NIT2: variants seen among roughly 807,000 people sequenced by gnomAD.
NIT2 encodes the protein omega-amidase NIT2.
In NIT2, 46 loss-of-function variants were observed where a neutral mutation model predicts 42.7. The observed-to-expected ratio is 1.08, with a 90% CI of 0.85 to 1.38. The LOEUF (loss-of-function observed/expected upper bound fraction) is 1.38. NIT2 is among the 40% of genes most tolerant of loss of function. The pLI is 0.00. For missense variants in NIT2, 309 were observed against 342.5 expected (o/e 0.90, Z 0.77); for synonymous variants, 123 against 121.9 (o/e 1.01, Z -0.06).
At chr3:100,343,222 A>G (rs931646808) in intron 4 of NIT2, among the ~76,000 whole-genome samples, 1 of 151,736 alleles carries the variant, frequency 6.6e-6, no homozygotes, top group African/African-American at 2.4e-5. Flanking sequence ...CTTCCTTGGT[A>G]CTTCTTGAAA....
chr3:100,334,933 C>A, intron 1 of NIT2, 135 bp downstream of exon 1: 1 of 864,452 alleles, frequency 1.2e-6, no homozygotes, highest in Non-Finnish European at 1.5e-6. Context: ...CTGAGGCGGG[C>A]GTCCGCGTGG....
chr3:100,338,991 C>G, intron 1 of NIT2, 96 bp from the exon 2 acceptor site: 3 of 842,628 alleles, frequency 3.6e-6, no homozygotes, highest in Non-Finnish European at 6.2e-6. Context: ...GATGTCCCCC[C>G]GGGGACATAA....
Position 100,357,941 on chromosome 3 carries a change from C to A in NIT2, c.*2673C>A, listed in dbSNP as rs934442204. ...AGAGGCGTGAGCCACCGCGCCCGGC[C>A]TAATTTTTGTATTTTTAGTAGAAAT... On this transcript the variant is annotated 3_prime_UTR_variant, in exon 10 of 10. Transcript: ENST00000394140. 1 of 152,140 alleles carries A rather than the reference C, an allele frequency of 6.6e-6. No individual in the cohort carries two copies. The highest frequency in any genetic ancestry group is 1.5e-5 in the Non-Finnish European group (1 of 68,074). 9.4% of individuals were successfully genotyped at this position (152,140 alleles called of 1,614,324 possible).
chr3:100,342,022 A>G (rs1466956375), intron 4 of NIT2, among the ~76,000 whole-genome samples: 1 of 152,152 alleles, frequency 6.6e-6, no homozygotes, highest in East Asian at 1.9e-4. Flanking sequence ...CAACCTGGGC[A>G]AGACAGAGCA....
chr3:100,338,029 C>T (rs1706097971), intron 1 of NIT2, among the ~76,000 whole-genome samples: 1 of 152,122 alleles, frequency 6.6e-6, no homozygotes, highest in Non-Finnish European at 1.5e-5. Flanking sequence ...CATGTTTGTG[C>T]CACTGCACTC....
chr3:100,353,240 G>A (rs2148884925), intron 8 of NIT2, among the ~76,000 whole-genome samples: 1 of 152,316 alleles, frequency 6.6e-6, no homozygotes, highest in East Asian at 1.9e-4. Context: ...GAACTTGGAT[G>A]TATTCCACAC....
chr3:100,354,738 T>A, intron 8 of NIT2, 34 bp from the exon 9 acceptor site: 2 of 1,565,960 alleles, frequency 1.3e-6, no homozygotes, highest in Non-Finnish European at 1.7e-6. Context: ...CAAACATCAG[T>A]GAATCCACTC....
rs752119329 is a variant in NIT2 at position 100,346,214 on chromosome 3, A to G, written c.464A>G (p.Asp155Gly). The change falls in exon 6 of 10, where the codon GAC becomes GGC. Residue 155 changes from aspartate to glycine, a missense_variant. Coordinates refer to ENST00000394140, the MANE Select transcript of NIT2 (RefSeq NM_020202.5). ...YCRVGLGICY[D>G]MRFAELAQIY... ...AGAGTGGGTCTGGGCATCTGCTACG[A>G]CATGCGGTTTGCAGAGCTTGCACAA... 4.6e-5 allele frequency: 75 copies of G among 1,614,008 alleles called. No homozygotes were observed. Among genetic ancestry groups the G allele is most frequent in the Non-Finnish European group, 6.1e-5 (72 of 1,180,008 alleles).
In NIT2 at chr3:100,339,194, G is replaced by A. The variant is rs779641004; in HGVS notation, c.115G>A (p.Val39Ile). 2 of 1,610,010 alleles carry A rather than the reference G, an allele frequency of 1.2e-6. No homozygotes were observed. Among genetic ancestry groups the A allele is most frequent in the Non-Finnish European group, 1.7e-6 (2 of 1,176,322 alleles). Reference sequence around the variant, plus strand: ...GGCAGCAACGCAAGGAGCCAAAATAGTTTCTTTGCCGGTCAGTATGGGAGC... The same window carrying A: ...GGCAGCAACGCAAGGAGCCAAAATAATTTCTTTGCCGGTCAGTATGGGAGC... ...REAATQGAKI[V>I]SLPECFNSPY... The change falls in exon 2 of 10, where the codon GTT becomes ATT. Residue 39 changes from valine to isoleucine, a missense_variant. Val to Ile is a conservative substitution (Grantham distance 29, BLOSUM62 3). Transcript: ENST00000394140.
At chr3:100,337,273 G>A (rs566105515) in intron 1 of NIT2, among the ~76,000 whole-genome samples, 12 of 151,792 alleles carry the variant, frequency 7.9e-5, no homozygotes, top group South Asian at 2.1e-4. Flanking sequence ...TAATCTGATC[G>A]CTCTTTCTTT....
At chr3:100,344,960 T>C (rs60511069) in intron 4 of NIT2, among the ~76,000 whole-genome samples, 2,643 of 16,860 alleles carry the variant, frequency 0.16, 68 homozygotes, top group African/African-American at 0.46. Flanking sequence ...TTTTTTTTTC[T>C]TTTTTTTTTT....
At chr3:100,355,099 A>G (rs1706313097) in intron 9 of NIT2, 78 bp from the exon 10 acceptor site, 1 of 1,064,670 alleles carries the variant, frequency 9.4e-7, no homozygotes, top group African/African-American at 1.6e-5. Flanking sequence ...CTGGTGGTTT[A>G]TACAGTCAGG....
chr3:100,335,087 AT>A (rs768898423), intron 1 of NIT2: 1 of 468,994 alleles, frequency 2.1e-6, no homozygotes, highest in Non-Finnish European at 4.1e-6. Context: ...ATGGACGTGT[AT>A]TTCTCCACGG....
At chr3:100,354,952 G>T (rs1706311679) in intron 9 of NIT2, 125 bp downstream of exon 9, 1 of 853,132 alleles carries the variant, frequency 1.2e-6, no homozygotes, top group African/African-American at 1.7e-5. Flanking sequence ...TGATCTCTGG[G>T]GATATTCTAG....
In NIT2 at chr3:100,360,987, C is replaced by T. The variant is rs1706379097; in HGVS notation, c.*5719C>T. On this transcript the variant is annotated 3_prime_UTR_variant, in exon 10 of 10. Transcript: ENST00000394140. ...CACTGCATGTGCAGTATCCACCTAG[C>T]TTGCCCTGTGTCACTCCCATGGGAT... 6.6e-6 allele frequency: 1 copy of T among 152,426 alleles called. No individual in the cohort carries two copies. The highest frequency in any genetic ancestry group is 2.1e-4 in the South Asian group (1 of 4,840). The allele number at this position is 152,426 out of a possible 1,614,324, so 9.4% of individuals were successfully genotyped here.
chr3:100,340,329 G>A (rs1706134953), intron 3 of NIT2, among the ~76,000 whole-genome samples: 1 of 152,104 alleles, frequency 6.6e-6, no homozygotes, highest in Admixed American at 6.5e-5. Context: ...GCCTTCCAAA[G>A]TGCTAGGATT....
At chr3:100,338,414 T>C (rs906032304) in intron 1 of NIT2, among the ~76,000 whole-genome samples, 1 of 152,182 alleles carries the variant, frequency 6.6e-6, no homozygotes, top group African/African-American at 2.4e-5. Context: ...CTTTTAGAGG[T>C]GCCTGGGACC....
chr3:100,339,690 A>G lies in NIT2; in HGVS notation c.127-125A>G, dbSNP rs1706125661. On this transcript the variant is annotated intron_variant, in intron 2 of 9. Transcript: ENST00000394140. ...CCCTTGAGATGTCAGTGTTTTTCTTATTAGCTGTGTTTTAACCCTTCGACT... is the reference window on the plus strand; with the variant it reads ...CCCTTGAGATGTCAGTGTTTTTCTTGTTAGCTGTGTTTTAACCCTTCGACT... 7.9e-6 allele frequency: 7 copies of G among 883,312 alleles called. No homozygotes were observed. The South Asian group carries it at 1.1e-4, about 14-fold the overall frequency. The allele number at this position is 883,312 out of a possible 1,614,324, so 54.7% of individuals were successfully genotyped here. A position where few individuals can be genotyped will look rare whatever the true frequency, so the allele number is the denominator to read the frequency against.
rs751318008 is a variant in NIT2, at chr3:100,348,880, C to T, written c.583C>T (p.Arg195Trp). The change falls in exon 7 of 10, where the codon CGG becomes TGG. Residue 195 changes from arginine to tryptophan, a missense_variant and splice_region_variant. By Grantham distance (101) the Arg-to-Trp change is moderately radical (BLOSUM62 -3). Coordinates refer to ENST00000394140, the MANE Select transcript of NIT2 (RefSeq NM_020202.5). ...PAHWELLQRS[R>W]AVDNQVYVAT... ...CCATTGGGAGTTACTTCAGCGAAGC[C>T]GGTAAGAAAGGAACCATATATTCAA... 8.9e-5 allele frequency: 143 copies of T among 1,613,318 alleles called. No homozygotes were observed. Among genetic ancestry groups the T allele is most frequent in the Middle Eastern group, 3.3e-4 (2 of 6,066 alleles).
Sources: gnomAD v4.1 joint callset for allele counts (sites outside exome capture counted in the v4.1 genomes callset) on GRCh38, gnomAD v4.1.1 for gene constraint, MANE v1.5 for transcripts, NCBI Gene and HGNC (gene_info 2026-07-23, HGNC 2026-07-21) for gene names.